The following OGA variants were observed in gnomAD, a reference collection of about 807,000 sequenced individuals.
The protein encoded by OGA is O-GlcNAcase.
In OGA, 21 loss-of-function variants were observed where a neutral mutation model predicts 102.0. The ratio of observed to expected loss-of-function variants is 0.21; its 90% CI spans 0.15 to 0.30. The LOEUF (loss-of-function observed/expected upper bound fraction) is 0.30, where lower values mean the gene tolerates loss of function less well. Ranked by LOEUF, OGA falls within the 10% of genes least tolerant of loss-of-function variation. OGA has a pLI of 1.00. For synonymous variants in OGA, 408 were observed against 378.2 expected (o/e 1.08, Z -0.91); for missense variants, 765 against 1,107.8 (o/e 0.69, Z 4.39).
At chr10:101,793,396 C>T (rs189406898) in intron 11 of OGA, among the ~76,000 whole-genome samples, 1 of 152,290 alleles carries the variant, frequency 6.6e-6, no homozygotes, top group Admixed American at 6.5e-5. Flanking sequence ...CGCAGCAGAG[C>T]ACCTGTTGGG....
chr10:101,804,030 C>T lies in OGA; in HGVS notation c.752-11G>A, dbSNP rs777555675. The stretch of plus-strand genomic sequence containing the variant: ...AAACAACTTTGGGACCTAGAAATAA[C>T]GACAACCGTTCGTTAAAAGAATCAT... On this transcript the variant is annotated splice_polypyrimidine_tract_variant and intron_variant, in intron 6 of 15. Coordinates refer to ENST00000361464, the MANE Select transcript of OGA (RefSeq NM_012215.5). 20 of 1,601,666 alleles carry T rather than the reference C, an allele frequency of 1.2e-5. No homozygotes were observed. Among genetic ancestry groups the T allele is most frequent in the Non-Finnish European group, 1.6e-5 (19 of 1,173,106 alleles).
At chr10:101,813,991 A>G (rs1466601100) in intron 1 of OGA, among the ~76,000 whole-genome samples, 1 of 152,236 alleles carries the variant, frequency 6.6e-6, no homozygotes, top group Admixed American at 6.5e-5. Context: ...AGCTGCCAAC[A>G]GTAACAATTA....
chr10:101,799,486 T>C lies in OGA; in HGVS notation c.1196-31A>G, dbSNP rs750447197. ...AAAATAAATAAATGTATAAATAAAA[T>C]GGTCACACAGATAATCAGAATTAGA... On this transcript the variant is annotated intron_variant, in intron 8 of 15. Transcript: ENST00000361464. 6 of 1,579,110 alleles carry C rather than the reference T, an allele frequency of 3.8e-6. No individual in the cohort carries two copies. In the East Asian group the frequency reaches 9.0e-5, roughly 24 times the overall value.
intron 10 of OGA, among the ~76,000 whole-genome samples, chr10:101,796,834 C>A (rs985623784): frequency 3.9e-5 from 6 of 152,102 alleles, no homozygotes; most frequent in Non-Finnish European, 7.4e-5. Context: ...AAGTGATCCA[C>A]CCACCTCAGC....
chr10:101,807,769 A>G lies in OGA; in HGVS notation c.613T>C (p.Tyr205His). The G allele has an allele frequency of 1.2e-6, 2 of 1,610,734 alleles. No individual in the cohort carries two copies. Among genetic ancestry groups the G allele is most frequent in the Non-Finnish European group, 1.7e-6 (2 of 1,178,832 alleles). ...QVSITNEIYQ[Y>H]LGEPETFLFC... is the part of the protein sequence containing the mutation. Reference sequence around the variant, plus strand: ...AGGAAAGTTTCTGGCTCTCCTAGGTACTGATAGATTTCATTTGTGATGGAG... The same window carrying G: ...AGGAAAGTTTCTGGCTCTCCTAGGTGCTGATAGATTTCATTTGTGATGGAG... Residue 205 changes from tyrosine to histidine, a missense_variant, in exon 5 of 16, where the codon TAC (tyrosine) becomes CAC (histidine). Coordinates refer to ENST00000361464, the MANE Select transcript of OGA (RefSeq NM_012215.5).
Position 101,786,508 on chromosome 10 carries a change from T to C in OGA, c.2694A>G (p.Glu898=). Residue 898 remains glutamate (E), a synonymous_variant, in exon 16 of 16, where the codon GAA becomes GAG. Transcript: ENST00000361464. The part of the protein sequence containing the change: ...LEFYSKLGCF[E]IAKMEGFPKD... Reference sequence around the variant, plus strand: ...TTGGAAATCCTTCCATTTTTGCAATTTCAAAACATCCTAACTTGCTGTAAA... The same window carrying C: ...TTGGAAATCCTTCCATTTTTGCAATCTCAAAACATCCTAACTTGCTGTAAA... 5.0e-6 allele frequency: 8 copies of C among 1,612,690 alleles called. No homozygotes were observed. In the South Asian group the frequency reaches 8.8e-5, roughly 18 times the overall value.
intron 4 of OGA, among the ~76,000 whole-genome samples, chr10:101,808,770 C>A (rs2065508876): frequency 6.6e-6 from 1 of 152,060 alleles, no homozygotes; most frequent in Admixed American, 6.6e-5. Context: ...GAGTTCGAGA[C>A]CAGCCTGGCA....
rs372907540 is a variant in OGA at position 101,798,913 on chromosome 10, G to A, written c.1738C>T (p.Arg580Trp). 11 of 1,614,030 alleles carry A rather than the reference G, an allele frequency of 6.8e-6. No individual in the cohort carries two copies. The highest frequency in any genetic ancestry group is 2.2e-5 in the South Asian group (2 of 91,072). Residue 580 changes from arginine to tryptophan, a missense_variant, in exon 9 of 16, where the codon CGG (arginine) becomes TGG (tryptophan). Arg to Trp is a moderately radical substitution (Grantham distance 101). Coordinates refer to ENST00000361464, the MANE Select transcript of OGA (RefSeq NM_012215.5). The part of the protein sequence containing the change: ...EHGPKGAQML[R>W]EFQWLRANSS... ...TTTGCTCGAAGCCATTGAAATTCCC[G>A]TAACATCTGTGCTCCTTTGGGTCCA...
At chr10:101,802,844 CTG>C (rs2065411929) in intron 7 of OGA, among the ~76,000 whole-genome samples, 1 of 150,090 alleles carries the variant, frequency 6.7e-6, no homozygotes, top group Non-Finnish European at 1.5e-5. Flanking sequence ...TAAAATAAGA[CTG>C]TATTCCATTC....
In OGA at chr10:101,815,961, G is replaced by GAAAAAA. The variant is rs1185344174; in HGVS notation, c.199+1862_199+1863insTTTTTT. On this transcript the variant is annotated intron_variant, in intron 1 of 15. Coordinates refer to ENST00000361464, the MANE Select transcript of OGA (RefSeq NM_012215.5). ...TGCCAACCAAGAGGTATCAAAAAGA[G>GAAAAAA]AGAAAAAAAAAAAAAAAAAAAAAAA... 3.3e-3 allele frequency among the ~76,000 whole-genome samples: 79 copies of GAAAAAA among 23,782 alleles called. 18 individuals are homozygous for GAAAAAA. Among genetic ancestry groups the GAAAAAA allele is most frequent in the African/African-American group, 4.7e-3 (21 of 4,514 alleles). 15.6% of individuals were successfully genotyped at this position (23,782 alleles called of 152,430 possible).
At position 101,793,725 on chromosome 10, in the gene OGA, A is replaced by G. The variant is rs35920682; in HGVS notation, c.2070+188T>C. 3,052 of 521,090 alleles carry G rather than the reference A, an allele frequency of 5.9e-3. 120 individuals carry two copies. The East Asian group carries it at 0.077, about 13-fold the overall frequency. 32.3% of individuals were successfully genotyped at this position (521,090 alleles called of 1,614,324 possible). A position where few individuals can be genotyped will look rare whatever the true frequency, so the allele number is the denominator to read the frequency against. Reference sequence around the variant, plus strand: ...CTTCGCAGGCGCGGGGGGGATTGGCAGCATCTCCTTCAGAAATTACTGTGA... The same window carrying G: ...CTTCGCAGGCGCGGGGGGGATTGGCGGCATCTCCTTCAGAAATTACTGTGA... On this transcript the variant is annotated intron_variant, in intron 11 of 15. Coordinates refer to ENST00000361464, the MANE Select transcript of OGA (RefSeq NM_012215.5).
rs547551305 is a variant in OGA, at chr10:101,806,991, T to A, written c.652+739A>T. On this transcript the variant is annotated intron_variant, in intron 5 of 15. Coordinates refer to ENST00000361464, the MANE Select transcript of OGA (RefSeq NM_012215.5). ...ACTTAAAAGTAAAATTTAAAAAAAA[T>A]TTTTTTAAAGGCATATACCAATGGC... 2.5e-3 allele frequency among the ~76,000 whole-genome samples: 376 copies of A among 152,168 alleles called. 3 individuals carry two copies. Among genetic ancestry groups the A allele is most frequent in the Middle Eastern group, 6.8e-3 (2 of 294 alleles).
Position 101,817,806 on chromosome 10 carries a change from G to C in OGA, c.199+18C>G, listed in dbSNP as rs555710737. 5 of 1,535,650 alleles carry C rather than the reference G, an allele frequency of 3.3e-6. No homozygotes were observed. The highest frequency in any genetic ancestry group is 2.4e-5 in the South Asian group (2 of 83,914). ...GAACGTGTTAGTGCCAAAACGGGGA[G>C]GGAAGGAGGGCGCTCACCTTCCACC... On this transcript the variant is annotated intron_variant, in intron 1 of 15. Coordinates refer to ENST00000361464, the MANE Select transcript of OGA (RefSeq NM_012215.5).
At chr10:101,808,495 T>C (rs953681598) in intron 4 of OGA, among the ~76,000 whole-genome samples, 2 of 152,222 alleles carry the variant, frequency 1.3e-5, no homozygotes, top group Admixed American at 1.3e-4. Context: ...CTGATCCCTT[T>C]GCAGATAAAC....
chr10:101,797,128 G>C (rs1273990164), intron 10 of OGA: 1 of 151,074 alleles, frequency 6.6e-6, no homozygotes, highest in Non-Finnish European at 1.5e-5. Context: ...CGGTGTTTCA[G>C]ATATCTATTT....
At chr10:101,809,361 GAGA>G (rs774764561) in intron 4 of OGA, among the ~76,000 whole-genome samples, 3 of 152,110 alleles carry the variant, frequency 2.0e-5, no homozygotes, top group Non-Finnish European at 4.4e-5. Flanking sequence ...ACTGAAATTT[GAGA>G]AGAACTAGTA....
intron 7 of OGA, among the ~76,000 whole-genome samples, chr10:101,801,289 G>A (rs2065388057): frequency 6.6e-6 from 1 of 151,958 alleles, no homozygotes; most frequent in Non-Finnish European, 1.5e-5. Context: ...CTACTCGGGA[G>A]GCTGAGGCAG....
At chr10:101,811,445 G>T (rs2135091090) in intron 3 of OGA, among the ~76,000 whole-genome samples, 1 of 134,150 alleles carries the variant, frequency 7.5e-6, no homozygotes, top group Middle Eastern at 4.3e-3. Flanking sequence ...AATCACACCT[G>T]TAATCCCAGC....
chr10:101,805,544 ACTTGGGAGGCTGAGT>A (rs1313793498), intron 6 of OGA, among the ~76,000 whole-genome samples: 2 of 151,470 alleles, frequency 1.3e-5, no homozygotes, highest in Non-Finnish European at 2.9e-5. Flanking sequence ...AATCCCAGCT[ACTTGGGAGGCTGAGT>A]CAGGAGAATT....
Sources: allele counts gnomAD v4.1 joint callset (sites outside exome capture counted in the v4.1 genomes callset), GRCh38; gene constraint gnomAD v4.1.1; transcripts MANE v1.5; gene names NCBI Gene and HGNC (gene_info 2026-07-23, HGNC 2026-07-21).